FARS2: variants seen among roughly 807,000 people sequenced by gnomAD.
The protein encoded by FARS2 is phenylalanine--tRNA ligase, mitochondrial.
In FARS2, 40 loss-of-function variants were observed where a neutral mutation model predicts 46.4. That is an observed-to-expected ratio of 0.86 (90% CI 0.67 to 1.12). FARS2 has a LOEUF of 1.12. Among genes scored for constraint, FARS2 ranks in the 50% most tolerant of loss-of-function variants. FARS2 has a pLI of 0.00. For missense variants in FARS2, 513 were observed against 567.9 expected (o/e 0.90, Z 0.98); for synonymous variants, 234 against 214.9 (o/e 1.09, Z -0.78).
At chr6:5,473,553 A>AAC (rs1284465877) in intron 4 of FARS2, among the ~76,000 whole-genome samples, 33 of 149,942 alleles carry the variant, frequency 2.2e-4, no homozygotes, top group African/African-American at 7.6e-4. Context: ...AACAAAAAAA[A>AAC]AAAACAAAAG....
At chr6:5,497,673 T>C (rs1321673856) in intron 4 of FARS2, among the ~76,000 whole-genome samples, 2 of 152,248 alleles carry the variant, frequency 1.3e-5, no homozygotes, top group Non-Finnish European at 2.9e-5. Context: ...AAACTTCTTA[T>C]AGTTCTCTAA....
chr6:5,739,548 G>T (rs1220408436), intron 6 of FARS2, among the ~76,000 whole-genome samples: 1 of 152,160 alleles, frequency 6.6e-6, no homozygotes, highest in Non-Finnish European at 1.5e-5. Flanking sequence ...GGGGCCCTCA[G>T]GTGCCCAGTG....
chr6:5,457,894 CTG>C (rs1764991706), intron 4 of FARS2: 1 of 152,224 alleles, frequency 6.6e-6, no homozygotes, highest in African/African-American at 2.4e-5. Flanking sequence ...TATTTCCTAC[CTG>C]TAACACACAG....
chr6:5,666,540 G>A (rs1195530891), intron 6 of FARS2, among the ~76,000 whole-genome samples: 1 of 152,180 alleles, frequency 6.6e-6, no homozygotes, highest in Non-Finnish European at 1.5e-5. Context: ...TAGTTTTGCT[G>A]TATACCAGGC....
At chr6:5,541,357 C>T (rs1770621899) in intron 4 of FARS2, among the ~76,000 whole-genome samples, 1 of 152,134 alleles carries the variant, frequency 6.6e-6, no homozygotes, top group South Asian at 2.1e-4. Flanking sequence ...CAACAGAATT[C>T]ATACTTTTAA....
At chr6:5,562,806 C>CTTT (rs1275011133) in intron 5 of FARS2, among the ~76,000 whole-genome samples, 1 of 122,318 alleles carries the variant, frequency 8.2e-6, no homozygotes, top group Non-Finnish European at 1.8e-5. Flanking sequence ...TTTTCTTTTT[C>CTTT]TTTTTTTTTT....
chr6:5,407,309 T>A (rs955162701), intron 3 of FARS2, among the ~76,000 whole-genome samples: 26 of 152,044 alleles, frequency 1.7e-4, no homozygotes, highest in African/African-American at 5.8e-4. Context: ...TTTTTCATAC[T>A]CCAGATTTCC....
At chr6:5,512,702 A>G (rs1280929252) in intron 4 of FARS2, among the ~76,000 whole-genome samples, 2 of 152,136 alleles carry the variant, frequency 1.3e-5, no homozygotes, top group Non-Finnish European at 2.9e-5. Context: ...CAATTCAAGC[A>G]GAAGGCCTAG....
chr6:5,693,192 T>C (rs1161992203), intron 6 of FARS2, among the ~76,000 whole-genome samples: 3 of 152,174 alleles, frequency 2.0e-5, no homozygotes, highest in Non-Finnish European at 4.4e-5. Context: ...GGTTTTAAGG[T>C]TAAACAGCCA....
rs1456125962 is a variant in FARS2, at chr6:5,341,204, TATATATATATATATATATATATATA to T, written c.-21-27345_-21-27321del. ...CCATGGGGAGATATATATATATATA[TATATATATATATATATATATATATA>T]TATATATTTTTTTTTTTTTTTTTTT... On this transcript the variant is annotated intron_variant, in intron 1 of 6. Coordinates refer to ENST00000274680, the MANE Select transcript of FARS2 (RefSeq NM_006567.5). Among the ~76,000 whole-genome samples the T allele has an allele frequency of 2.1e-3, 10 of 4,716 alleles. No homozygotes were observed. The East Asian group carries it at 0.037, about 17-fold the overall frequency. The allele number at this position is 4,716 out of a possible 152,430, so 3.1% of individuals were successfully genotyped here. A position where few individuals can be genotyped will look rare whatever the true frequency, so the allele number is the denominator to read the frequency against.
At chr6:5,668,485 A>T (rs1778261008) in intron 6 of FARS2, among the ~76,000 whole-genome samples, 1 of 152,200 alleles carries the variant, frequency 6.6e-6, no homozygotes, top group Non-Finnish European at 1.5e-5. Context: ...AGGGAAAGTG[A>T]ATTCCTGAAC....
At chr6:5,588,906 A>C (rs1582519783) in intron 5 of FARS2, among the ~76,000 whole-genome samples, 1 of 152,200 alleles carries the variant, frequency 6.6e-6, no homozygotes, top group East Asian at 1.9e-4. Context: ...CATCATCGCC[A>C]TAGGCAATCA....
At chr6:5,408,716 G>A (rs1355840315) in intron 3 of FARS2, among the ~76,000 whole-genome samples, 1 of 151,654 alleles carries the variant, frequency 6.6e-6, no homozygotes, top group Non-Finnish European at 1.5e-5. Context: ...AAGGAAGGAA[G>A]GAAAGGAAAG....
At chr6:5,685,217 G>A (rs1757103847) in intron 6 of FARS2, among the ~76,000 whole-genome samples, 1 of 152,166 alleles carries the variant, frequency 6.6e-6, no homozygotes, top group African/African-American at 2.4e-5. Flanking sequence ...GCCATTTCAA[G>A]GAAGAATTTT....
chr6:5,328,895 C>T (rs1164648354), intron 1 of FARS2, among the ~76,000 whole-genome samples: 2 of 152,026 alleles, frequency 1.3e-5, no homozygotes, highest in East Asian at 3.9e-4. Context: ...CAGTTTTGTG[C>T]CAAAGAGCTC....
intron 4 of FARS2, among the ~76,000 whole-genome samples, chr6:5,524,158 T>G (rs938607834): frequency 6.6e-6 from 1 of 152,222 alleles, no homozygotes; most frequent in African/African-American, 2.4e-5. Context: ...TCTTTAGAGA[T>G]AGCAGTGTTA....
At chr6:5,522,940 A>G (rs1054594739) in intron 4 of FARS2, among the ~76,000 whole-genome samples, 2 of 152,258 alleles carry the variant, frequency 1.3e-5, no homozygotes, top group Non-Finnish European at 2.9e-5. Flanking sequence ...AAGGCCAGAT[A>G]TGGGATCGAA....
At chr6:5,610,046 G>A (rs895841856) in intron 5 of FARS2, 10 of 924,762 alleles carry the variant, frequency 1.1e-5, no homozygotes, top group South Asian at 2.6e-5. Context: ...TGGAGCAATT[G>A]GTGTTTGGGT....
intron 1 of FARS2, among the ~76,000 whole-genome samples, chr6:5,282,720 C>G (rs934086058): frequency 3.3e-5 from 5 of 152,176 alleles, no homozygotes; most frequent in East Asian, 1.9e-4. Flanking sequence ...GGAATGGTGC[C>G]TAGCGTCAAT....
Sources: gnomAD v4.1 joint callset for allele counts (sites outside exome capture counted in the v4.1 genomes callset) on GRCh38, gnomAD v4.1.1 for gene constraint, MANE v1.5 for transcripts, NCBI Gene and HGNC (gene_info 2026-07-23, HGNC 2026-07-21) for gene names.